Variants in CADPS observed in about 807,000 individuals in gnomAD.
CADPS encodes calcium-dependent secretion activator 1.
CADPS carries 57 observed loss-of-function variants against 167.3 expected under a neutral mutation model. That is an observed-to-expected ratio of 0.34 (90% CI 0.28 to 0.42). CADPS has a LOEUF of 0.42. Among genes scored for constraint, CADPS ranks in the 20% least tolerant of loss-of-function variants. CADPS has a pLI of 1.00. For synonymous variants in CADPS, 676 were observed against 635.3 expected, an observed-to-expected ratio of 1.06 and a Z score of -0.96; for missense variants, 1,414 against 1,738.1, an observed-to-expected ratio of 0.81 and a Z score of 3.32.
intron 1 of CADPS, among the ~76,000 whole-genome samples, chr3:62,846,186 CT>C (rs1028995158): frequency 2.0e-5 from 3 of 152,100 alleles, no homozygotes; most frequent in Non-Finnish European, 4.4e-5. Flanking sequence ...ACCCGTGGAA[CT>C]GTGAGTCACT....
At chr3:62,713,403 G>A (rs190027073) in intron 3 of CADPS, among the ~76,000 whole-genome samples, 2 of 152,268 alleles carry the variant, frequency 1.3e-5, no homozygotes, top group East Asian at 1.9e-4. Flanking sequence ...TGCCCACCAA[G>A]GCCTTGTCAA....
At chr3:62,805,952 G>A (rs1025564307) in intron 1 of CADPS, among the ~76,000 whole-genome samples, 1 of 152,130 alleles carries the variant, frequency 6.6e-6, no homozygotes, top group East Asian at 1.9e-4. Context: ...CTCCTCCCCT[G>A]CCTCTGCAAA....
chr3:62,526,377 T>G (rs1340530434), intron 13 of CADPS, among the ~76,000 whole-genome samples: 1 of 152,160 alleles, frequency 6.6e-6, no homozygotes, highest in African/African-American at 2.4e-5. Context: ...CAATGTACTT[T>G]CTACACAGGC....
chr3:62,732,320 G>C (rs763378101), intron 3 of CADPS, among the ~76,000 whole-genome samples: 8 of 152,204 alleles, frequency 5.3e-5, no homozygotes, highest in Non-Finnish European at 1.0e-4. Context: ...CTGTCAAGCT[G>C]GAAAGTGTCA....
At chr3:62,873,215 T>C (rs1258267646) in intron 1 of CADPS, among the ~76,000 whole-genome samples, 4 of 152,224 alleles carry the variant, frequency 2.6e-5, no homozygotes, top group Non-Finnish European at 5.9e-5. Flanking sequence ...CAGTGCTGGG[T>C]GGTGTGTGTA....
chr3:62,869,714 C>A (rs1385899394), intron 1 of CADPS, among the ~76,000 whole-genome samples: 3 of 152,110 alleles, frequency 2.0e-5, no homozygotes, highest in Non-Finnish European at 4.4e-5. Context: ...GGAACCACAT[C>A]TCACAAGTAC....
chr3:62,508,573 A>G (rs2067115753), intron 17 of CADPS, among the ~76,000 whole-genome samples: 1 of 152,176 alleles, frequency 6.6e-6, no homozygotes, highest in East Asian at 1.9e-4. Context: ...ACATCGTAAC[A>G]TTTCTGAAAT....
At position 62,608,393 on chromosome 3, in the gene CADPS, T is replaced by A. The variant is rs528446089; in HGVS notation, c.1326-15645A>T. Among the ~76,000 whole-genome samples the A allele has an allele frequency of 2.0e-5, 3 of 151,480 alleles. No individual in the cohort carries two copies. The South Asian group carries it at 6.4e-4, about 32-fold the overall frequency. ...CACCTCCCGGGCTCACGTGATCCTC[T>A]CACCTCAAACTCCTGAGTAGCTGGG... On this transcript the variant is annotated intron_variant, in intron 6 of 29. Transcript: ENST00000383710.
intron 3 of CADPS, among the ~76,000 whole-genome samples, chr3:62,734,460 C>A (rs1291357603): frequency 1.3e-5 from 2 of 152,114 alleles, no homozygotes; most frequent in African/African-American, 4.8e-5. Context: ...TTACCCAGTG[C>A]CCCCTCCTTT....
intron 1 of CADPS, among the ~76,000 whole-genome samples, chr3:62,802,770 G>A (rs2093848005): frequency 6.6e-6 from 1 of 152,160 alleles, no homozygotes; most frequent in Admixed American, 6.6e-5. Context: ...GGAAACTGAA[G>A]TTAGTTCATT....
intron 4 of CADPS, among the ~76,000 whole-genome samples, chr3:62,656,620 G>A (rs183421981): frequency 4.4e-4 from 67 of 152,238 alleles, no homozygotes; most frequent in African/African-American, 1.5e-3. Flanking sequence ...TGATGGCTGA[G>A]CCCTCCACAG....
chr3:62,405,343 G>T (rs1035094779), intron 28 of CADPS, among the ~76,000 whole-genome samples: 4 of 151,568 alleles, frequency 2.6e-5, no homozygotes, highest in Non-Finnish European at 4.4e-5. Flanking sequence ...GTGGCATTTT[G>T]CTTTGGCTGT....
chr3:62,793,878 A>G (rs1209190192), intron 1 of CADPS, among the ~76,000 whole-genome samples: 3 of 152,198 alleles, frequency 2.0e-5, no homozygotes, highest in East Asian at 1.9e-4. Flanking sequence ...TCCCTAGAAG[A>G]GAAAGAGTTC....
chr3:62,695,877 T>C (rs1377912904), intron 3 of CADPS, among the ~76,000 whole-genome samples: 1 of 152,098 alleles, frequency 6.6e-6, no homozygotes, highest in Non-Finnish European at 1.5e-5. Context: ...TTGGCCATGC[T>C]CTGAGCCCAT....
rs2054396101 is a variant in CADPS, at chr3:62,433,563, T to A, written c.3777+4541A>T. 6.6e-6 allele frequency among the ~76,000 whole-genome samples: 1 copy of A among 152,164 alleles called. No homozygotes were observed. Among genetic ancestry groups the A allele is most frequent in the Non-Finnish European group, 1.5e-5 (1 of 68,018 alleles). Reference sequence around the variant, plus strand: ...TCCATGTATCATCTCCAGTCAAATGTTCCCTGGGCCTGGTTCCCAATGACA... The same window carrying A: ...TCCATGTATCATCTCCAGTCAAATGATCCCTGGGCCTGGTTCCCAATGACA... On this transcript the variant is annotated intron_variant, in intron 28 of 29. Coordinates refer to ENST00000383710, the MANE Select transcript of CADPS (RefSeq NM_003716.4). The surrounding 1 kb of genome is among the most constrained non-coding windows in gnomAD (Gnocchi z 4.7).
intron 11 of CADPS, among the ~76,000 whole-genome samples, chr3:62,537,818 C>T (rs2074998228): frequency 6.6e-6 from 1 of 151,822 alleles, no homozygotes; most frequent in African/African-American, 2.4e-5. Context: ...ATGATTTCTC[C>T]TATTATTATT....
chr3:62,770,533 C>A (rs891061235), intron 1 of CADPS, among the ~76,000 whole-genome samples: 2 of 152,100 alleles, frequency 1.3e-5, no homozygotes, highest in African/African-American at 2.4e-5. Context: ...TCAAGTGATT[C>A]TCCTGTCTCA....
intron 6 of CADPS, among the ~76,000 whole-genome samples, chr3:62,640,525 A>G (rs1387821097): frequency 6.6e-6 from 1 of 152,192 alleles, no homozygotes; most frequent in African/African-American, 2.4e-5. Flanking sequence ...ATGAGATGTC[A>G]TTGAAGAACC....
chr3:62,874,307 T>G lies in CADPS; in HGVS notation c.441+282A>C, dbSNP rs1309094427. Among the ~76,000 whole-genome samples, 1 of 152,158 alleles carries G rather than the reference T, an allele frequency of 6.6e-6. No homozygotes were observed. Among genetic ancestry groups the G allele is most frequent in the Non-Finnish European group, 1.5e-5 (1 of 68,018 alleles). On this transcript the variant is annotated intron_variant, in intron 1 of 29. Transcript: ENST00000383710. This position sits in a 1 kb window ranked among gnomAD's most constrained non-coding sequence, Gnocchi z 7.1. ...CTCGGTCCACAAAGCGGGACCTGCCTGCCTCGCTCACCAACGCTCCCGGGC... is the reference window on the plus strand; with the variant it reads ...CTCGGTCCACAAAGCGGGACCTGCCGGCCTCGCTCACCAACGCTCCCGGGC...
Sources: gnomAD v4.1 joint callset for allele counts (sites outside exome capture counted in the v4.1 genomes callset) on GRCh38, gnomAD v4.1.1 for gene constraint, Gnocchi (gnomAD v3.1) non-coding constraint, MANE v1.5 for transcripts, NCBI Gene and HGNC (gene_info 2026-07-23, HGNC 2026-07-21) for gene names.